The following MYCBP variants were observed in gnomAD, a reference collection of about 807,000 sequenced individuals.
MYCBP encodes the protein MYC binding protein, also known as C-Myc-binding protein.
MYCBP carries 5 observed loss-of-function variants against 16.8 expected under a neutral mutation model. The observed-to-expected ratio is 0.30, with a 90% CI of 0.16 to 0.63. MYCBP has a LOEUF of 0.63. MYCBP is among the 20% of genes least tolerant of loss of function. The pLI, the probability that MYCBP is intolerant of heterozygous loss-of-function variation, is 0.83. For missense variants in MYCBP, 103 were observed against 121.8 expected (o/e 0.85, Z 0.73); for synonymous variants, 35 against 43.7 (o/e 0.80, Z 0.79).
At chr1:38,867,446 CAAAAAAAAAA>C in intron 3 of MYCBP, 106 bp downstream of exon 3, 2 of 622,940 alleles carry the variant, frequency 3.2e-6, no homozygotes, top group Non-Finnish European at 4.9e-6. Flanking sequence ...GACTCCGTCT[CAAAAAAAAAA>C]AAAAAAAAGT....
At chr1:38,871,285 TC>T (rs1642460120) in intron 2 of MYCBP, among the ~76,000 whole-genome samples, 1 of 151,716 alleles carries the variant, frequency 6.6e-6, no homozygotes. Flanking sequence ...ATTCAGTCTT[TC>T]ACTTGCTCCA....
At chr1:38,872,665 C>G (rs12070614) in intron 2 of MYCBP, 3,368 of 254,888 alleles carry the variant, frequency 0.013, 103 homozygotes, top group African/African-American at 0.07. Context: ...ACTTTCTTAA[C>G]AAGATTCTGA....
In MYCBP at chr1:38,870,799, C is replaced by CAAAA. The variant is rs60684785; in HGVS notation, c.88+2215_88+2218dup. Among the ~76,000 whole-genome samples the CAAAA allele has an allele frequency of 1.8e-3, 111 of 60,662 alleles. 9 individuals carry two copies. The highest frequency in any genetic ancestry group is 5.7e-3 in the African/African-American group (84 of 14,814). 39.8% of individuals were successfully genotyped at this position (60,662 alleles called of 152,430 possible). A position where few individuals can be genotyped will look rare whatever the true frequency, so the allele number is the denominator to read the frequency against. The stretch of plus-strand genomic sequence containing the variant: ...TGGGCGACAGAGCGAGACTCCGTCT[C>CAAAA]AAAAAAAAAAAAAAAAAAAAAAAAA... On this transcript the variant is annotated intron_variant, in intron 2 of 4. Coordinates refer to ENST00000397572, the MANE Select transcript of MYCBP (RefSeq NM_012333.5).
At chr1:38,864,849 A>G (rs1642305007) in intron 4 of MYCBP, 135 bp from the exon 5 acceptor site, 4 of 745,648 alleles carry the variant, frequency 5.4e-6, no homozygotes, top group Non-Finnish European at 6.8e-6. Context: ...ATAACTATCC[A>G]TTTTAAATCA....
At position 38,864,611 on chromosome 1, in the gene MYCBP, T is replaced by G. The variant is rs751688623; in HGVS notation, c.*59A>C. 1.4e-5 allele frequency: 21 copies of G among 1,526,920 alleles called. No homozygotes were observed. Among genetic ancestry groups the G allele is most frequent in the African/African-American group, 2.7e-5 (2 of 73,138 alleles). The allele number at this position is 1,526,920 out of a possible 1,614,324, so 94.6% of individuals were successfully genotyped here. On this transcript the variant is annotated 3_prime_UTR_variant, in exon 5 of 5. Coordinates refer to ENST00000397572, the MANE Select transcript of MYCBP (RefSeq NM_012333.5). ...TCTGTTCAGAAAAGATTATATACTA[T>G]ACAAACTATTCAAGTCATACAAAAC...
At chr1:38,869,621 G>A (rs1642418034) in intron 2 of MYCBP, among the ~76,000 whole-genome samples, 1 of 152,144 alleles carries the variant, frequency 6.6e-6, no homozygotes, top group African/African-American at 2.4e-5. Context: ...TCGCAGCCAG[G>A]ATTTTTAGAG....
intron 4 of MYCBP, among the ~76,000 whole-genome samples, 176 bp downstream of exon 4, chr1:38,866,704 C>T (rs561079132): frequency 1.1e-4 from 17 of 152,324 alleles, no homozygotes; most frequent in African/African-American, 3.4e-4. Flanking sequence ...CGTAAGCCAC[C>T]GTGCCAGGCC....
chr1:38,868,398 C>G (rs1642383528), intron 2 of MYCBP, among the ~76,000 whole-genome samples: 1 of 152,128 alleles, frequency 6.6e-6, no homozygotes, highest in African/African-American at 2.4e-5. Flanking sequence ...AAAACTTTAC[C>G]AGTAGTCAAC....
intron 1 of MYCBP, 44 bp from the exon 2 acceptor site, chr1:38,873,134 G>A (rs897615055): frequency 3.2e-6 from 5 of 1,553,232 alleles, no homozygotes; most frequent in East Asian, 2.4e-5. Flanking sequence ...CGGGAGCCGA[G>A]CAGGAAGAAG....
At chr1:38,867,446 CAAAAA>C (rs11338710) in intron 3 of MYCBP, 111 bp downstream of exon 3, 411 of 624,470 alleles carry the variant, frequency 6.6e-4, no homozygotes, top group South Asian at 7.8e-4. Context: ...GACTCCGTCT[CAAAAA>C]AAAAAAAAAA....
intron 2 of MYCBP, among the ~76,000 whole-genome samples, chr1:38,871,851 C>T (rs1642473763): frequency 6.6e-6 from 1 of 152,110 alleles, no homozygotes; most frequent in Admixed American, 6.6e-5. Flanking sequence ...TTTATCCTCC[C>T]CTGCTTATCT....
In MYCBP at chr1:38,867,614, C is replaced by A; in HGVS notation, c.89-4G>T. 1 of 1,613,240 alleles carries A rather than the reference C, an allele frequency of 6.2e-7. No homozygotes were observed. Among genetic ancestry groups the A allele is most frequent in the Non-Finnish European group, 8.5e-7 (1 of 1,179,622 alleles). ...TCTTCATATAAGGCTACCAACACTG[C>A]AAATCAAAAAGCAGAAAAAGCAACA... On this transcript the variant is annotated splice_polypyrimidine_tract_variant and splice_region_variant and intron_variant, in intron 2 of 4. Coordinates refer to ENST00000397572, the MANE Select transcript of MYCBP (RefSeq NM_012333.5).
rs1642275686 is a variant in MYCBP at position 38,863,211 on chromosome 1, C to T, written c.*1459G>A. On this transcript the variant is annotated 3_prime_UTR_variant, in exon 5 of 5. Transcript: ENST00000397572. ...GACTAGAAGAGGCACCAGCCATAGC[C>T]ACATTCCTACTAACAGGGCTGATTT... 6.6e-6 allele frequency: 1 copy of T among 152,218 alleles called. No homozygotes were observed. Among genetic ancestry groups the T allele is most frequent in the Non-Finnish European group, 1.5e-5 (1 of 68,038 alleles). The allele number at this position is 152,218 out of a possible 1,614,324, so 9.4% of individuals were successfully genotyped here. A position where few individuals can be genotyped will look rare whatever the true frequency, so the allele number is the denominator to read the frequency against.
rs71057153 is a variant in MYCBP, at chr1:38,866,044, C to CTTTTTTTTTTTTTTTTTTTTTT, written c.267+835_267+836insAAAAAAAAAAAAAAAAAAAAAA. 4.6e-5 allele frequency among the ~76,000 whole-genome samples: 3 copies of CTTTTTTTTTTTTTTTTTTTTTT among 65,716 alleles called. 1 individual carries two copies. The highest frequency in any genetic ancestry group is 2.4e-4 in the African/African-American group (3 of 12,654). The allele number at this position is 65,716 out of a possible 152,430, so 43.1% of individuals were successfully genotyped here. On this transcript the variant is annotated intron_variant, in intron 4 of 4. Coordinates refer to ENST00000397572, the MANE Select transcript of MYCBP (RefSeq NM_012333.5). ...TAGTAATACAGGTTCCTAAGAACCT[C>CTTTTTTTTTTTTTTTTTTTTTT]TTTTTTTTTTTTTTTTTTTTTGAGA...
intron 2 of MYCBP, among the ~76,000 whole-genome samples, chr1:38,869,260 G>T (rs1234828941): frequency 1.3e-5 from 2 of 151,854 alleles, no homozygotes; most frequent in African/African-American, 4.8e-5. Flanking sequence ...GGCTAATTTT[G>T]TATTTTTAGT....
chr1:38,871,684 A>T (rs941017824), intron 2 of MYCBP, among the ~76,000 whole-genome samples: 1 of 151,694 alleles, frequency 6.6e-6, no homozygotes, highest in Non-Finnish European at 1.5e-5. Flanking sequence ...AAGTGCTGAG[A>T]TTACAGGCAT....
At chr1:38,873,253 C>T (rs1291762401) in intron 1 of MYCBP, 38 bp downstream of exon 1, 7 of 1,597,574 alleles carry the variant, frequency 4.4e-6, no homozygotes, top group Non-Finnish European at 5.1e-6. Context: ...CGGCTTGCTA[C>T]CGCCCGCATG....
Position 38,866,951 on chromosome 1 carries a change from G to A in MYCBP, c.196C>T (p.Arg66Cys), listed in dbSNP as rs754329839. The change falls in exon 4 of 5, where the codon CGC becomes TGC. Residue 66 changes from arginine to cysteine, a missense_variant. By Grantham distance (180) the Arg-to-Cys change is radical (BLOSUM62 -3). Transcript: ENST00000397572. ...TCTTTCATTTCGGCCAGTTCTAGGC[G>A]AAGCAGCTCTATTTCTGGATTTTCT... is the stretch of plus-strand genomic sequence containing the variant. ...TPENPEIELL[R>C]LELAEMKEKY... 6.7e-5 allele frequency: 107 copies of A among 1,608,366 alleles called. No individual in the cohort carries two copies. The highest frequency in any genetic ancestry group is 3.7e-4 in the South Asian group (33 of 90,108).
chr1:38,872,990 G>C (rs763386934), intron 2 of MYCBP, 28 bp downstream of exon 2: 2 of 1,556,976 alleles, frequency 1.3e-6, no homozygotes, highest in Non-Finnish European at 1.7e-6. Context: ...ACGAGGGCAC[G>C]AGGTACCCTC....
Sources: allele counts gnomAD v4.1 joint callset (sites outside exome capture counted in the v4.1 genomes callset), GRCh38; gene constraint gnomAD v4.1.1; transcripts MANE v1.5; gene names NCBI Gene and HGNC (gene_info 2026-07-23, HGNC 2026-07-21).